IMMP2L: variants seen among roughly 807,000 people sequenced by gnomAD.
IMMP2L encodes the protein mitochondrial inner membrane protease subunit 2.
Under a neutral mutation model 19.3 loss-of-function variants are expected in IMMP2L, and 18 were observed. That is an observed-to-expected ratio of 0.93 (90% CI 0.64 to 1.38). The LOEUF is 1.38. Ranked by LOEUF, IMMP2L falls within the 40% of genes most tolerant of loss-of-function variation. IMMP2L has a pLI of 0.00. For synonymous variants in IMMP2L, 76 were observed against 73.0 expected (o/e 1.04, Z -0.21); for missense variants, 233 against 218.2 (o/e 1.07, Z -0.43).
At chr7:110,705,564 G>A (rs1466623578) in intron 5 of IMMP2L, among the ~76,000 whole-genome samples, 1 of 152,038 alleles carries the variant, frequency 6.6e-6, no homozygotes, top group Non-Finnish European at 1.5e-5. Flanking sequence ...TGTCAGTGCA[G>A]TCATTTTTTT....
At chr7:111,306,925 A>C (rs900007653) in intron 3 of IMMP2L, among the ~76,000 whole-genome samples, 16 of 151,124 alleles carry the variant, frequency 1.1e-4, no homozygotes, top group African/African-American at 3.6e-4. Context: ...TATGAAAATT[A>C]TCTCTCATTA....
At chr7:111,009,620 T>C (rs1824710998) in intron 3 of IMMP2L, among the ~76,000 whole-genome samples, 1 of 152,110 alleles carries the variant, frequency 6.6e-6, no homozygotes, top group Non-Finnish European at 1.5e-5. Context: ...ATACTGAAAA[T>C]GTATATGTTA....
chr7:111,327,337 T>C (rs1422629782), intron 3 of IMMP2L, among the ~76,000 whole-genome samples: 3 of 151,778 alleles, frequency 2.0e-5, no homozygotes, highest in Non-Finnish European at 2.9e-5. Flanking sequence ...CAAAATAGAA[T>C]GCCTCATTTA....
intron 5 of IMMP2L, among the ~76,000 whole-genome samples, chr7:110,756,099 A>G (rs936035554): frequency 1.3e-5 from 2 of 152,102 alleles, no homozygotes; most frequent in Non-Finnish European, 2.9e-5. Context: ...TGAAGGGACC[A>G]CTGTTAAAAT....
chr7:110,800,220 G>A (rs1160398142), intron 5 of IMMP2L, among the ~76,000 whole-genome samples: 1 of 151,972 alleles, frequency 6.6e-6, no homozygotes, highest in Non-Finnish European at 1.5e-5. Context: ...GGAAGTGTGA[G>A]AAAGTATCAA....
intron 3 of IMMP2L, among the ~76,000 whole-genome samples, chr7:111,160,614 A>G (rs1250223747): frequency 6.6e-6 from 1 of 151,898 alleles, no homozygotes; most frequent in East Asian, 1.9e-4. Flanking sequence ...AGAAGGCTAT[A>G]AATTCATGAG....
At chr7:111,250,865 A>G (rs189431512) in intron 3 of IMMP2L, among the ~76,000 whole-genome samples, 6 of 152,290 alleles carry the variant, frequency 3.9e-5, no homozygotes, top group African/African-American at 1.4e-4. Context: ...TATGACAAAA[A>G]CACCAAAAGC....
chr7:111,055,844 T>C (rs1031337229), intron 3 of IMMP2L, among the ~76,000 whole-genome samples: 1 of 152,182 alleles, frequency 6.6e-6, no homozygotes, highest in African/African-American at 2.4e-5. Flanking sequence ...CTTATAATCA[T>C]GGGATCCGAT....
Position 111,168,871 on chromosome 7 carries a change from C to T in IMMP2L, c.240-205306G>A, listed in dbSNP as rs554875167. On this transcript the variant is annotated intron_variant, in intron 3 of 5. Transcript: ENST00000405709. ...AATTGGTATCAGTTTGCAAGGAGTA[C>T]CATAAGAAAGTACTACAAACCGGGT... is the stretch of plus-strand genomic sequence containing the variant. 3.3e-5 allele frequency among the ~76,000 whole-genome samples: 5 copies of T among 151,712 alleles called. No individual in the cohort carries two copies. In the South Asian group the frequency reaches 1.0e-3, roughly 32 times the overall value.
Position 111,379,312 on chromosome 7 carries a change from A to G in IMMP2L, c.239+107926T>C, listed in dbSNP as rs191745323. 2.2e-4 allele frequency among the ~76,000 whole-genome samples: 34 copies of G among 151,912 alleles called. 1 individual carries two copies. In the East Asian group the frequency reaches 5.4e-3, roughly 24 times the overall value. ...CAAACTTAAACTGATATGTAAATGAAAATTTATATTCCAGTCAAGGAACGT... is the reference window on the plus strand; with the variant it reads ...CAAACTTAAACTGATATGTAAATGAGAATTTATATTCCAGTCAAGGAACGT... On this transcript the variant is annotated intron_variant, in intron 3 of 5. Coordinates refer to ENST00000405709, the MANE Select transcript of IMMP2L (RefSeq NM_032549.4).
At chr7:111,480,364 G>A (rs1842074342) in intron 3 of IMMP2L, among the ~76,000 whole-genome samples, 1 of 152,024 alleles carries the variant, frequency 6.6e-6, no homozygotes, top group African/African-American at 2.4e-5. Flanking sequence ...ACAGGCGTGA[G>A]CCACTGTTCC....
intron 3 of IMMP2L, among the ~76,000 whole-genome samples, chr7:111,249,773 G>A (rs927689361): frequency 4.6e-5 from 7 of 152,098 alleles, no homozygotes; most frequent in Non-Finnish European, 8.8e-5. Flanking sequence ...AAAATAACCA[G>A]AGCCATATAT....
chr7:111,506,688 C>G (rs1268140294), intron 2 of IMMP2L, among the ~76,000 whole-genome samples: 1 of 152,206 alleles, frequency 6.6e-6, no homozygotes, highest in Non-Finnish European at 1.5e-5. Flanking sequence ...AGCCACCACG[C>G]CCGACCCTTA....
At chr7:111,243,851 AT>A in intron 3 of IMMP2L, among the ~76,000 whole-genome samples, 1 of 10,064 alleles carries the variant, frequency 9.9e-5, no homozygotes, top group East Asian at 2.4e-3. Flanking sequence ...TGAACTCATC[AT>A]TTTTTATGGC....
intron 3 of IMMP2L, among the ~76,000 whole-genome samples, chr7:111,179,182 A>G (rs1807419919): frequency 1.3e-5 from 2 of 152,072 alleles, no homozygotes; most frequent in Non-Finnish European, 2.9e-5. Context: ...TGCATTTTCA[A>G]TGAGCAGTAA....
At chr7:110,739,899 T>C (rs568715987) in intron 5 of IMMP2L, among the ~76,000 whole-genome samples, 2 of 152,216 alleles carry the variant, frequency 1.3e-5, no homozygotes, top group South Asian at 4.2e-4. Flanking sequence ...GGAAATCCAC[T>C]CCAAAAGGAA....
chr7:111,236,625 T>G (rs377472721), intron 3 of IMMP2L, among the ~76,000 whole-genome samples: 3 of 152,124 alleles, frequency 2.0e-5, no homozygotes, highest in East Asian at 1.9e-4. Flanking sequence ...GAGGACCTTC[T>G]GCATATCTAT....
chr7:111,214,328 C>CTTT (rs1484229556), intron 3 of IMMP2L, among the ~76,000 whole-genome samples: 3,911 of 84,992 alleles, frequency 0.046, 902 homozygotes, highest in Non-Finnish European at 0.057. Flanking sequence ...AGTAATTTTT[C>CTTT]TTCTTTTTTT....
At chr7:111,124,501 G>T (rs765184815) in intron 3 of IMMP2L, 2 of 1,613,710 alleles carry the variant, frequency 1.2e-6, no homozygotes, top group Non-Finnish European at 1.7e-6. Context: ...TGATGTCAAG[G>T]TATATAATCT....
Sources: gnomAD v4.1 joint callset for allele counts (sites outside exome capture counted in the v4.1 genomes callset) on GRCh38, gnomAD v4.1.1 for gene constraint, MANE v1.5 for transcripts, NCBI Gene and HGNC (gene_info 2026-07-23, HGNC 2026-07-21) for gene names.